The following MTF2 variants were observed in gnomAD, a reference collection of about 807,000 sequenced individuals.
MTF2 encodes the protein metal response element binding transcription factor 2.
In MTF2, 11 loss-of-function variants were observed where a neutral mutation model predicts 79.5. The observed-to-expected ratio is 0.14, with a 90% CI of 0.09 to 0.23. MTF2 has a LOEUF of 0.23. MTF2 is among the 10% of genes least tolerant of loss of function. The pLI, the probability that MTF2 is intolerant of heterozygous loss-of-function variation, is 1.00. For synonymous variants in MTF2, 208 were observed against 232.8 expected (o/e 0.89, Z 0.97); for missense variants, 486 against 711.2 (o/e 0.68, Z 3.60).
intron 4 of MTF2, 75 bp downstream of exon 4, chr1:93,114,858 C>A: frequency 1.5e-6 from 2 of 1,292,994 alleles, no homozygotes; most frequent in Non-Finnish European, 2.2e-6. Context: ...AAATACTTTA[C>A]ATTGATAATT....
Position 93,115,031 on chromosome 1 carries a change from G to C in MTF2, c.426G>C (p.Val142=), listed in dbSNP as rs139249740. ...LCHTPHIDSS[V]IDSDEKWLCR... ...ACACACCTCATATTGATTCCAGTGT[G>C]ATTGATTCAGATGAAAAATGGCTCT... Residue 142 remains valine (V), a synonymous_variant, in exon 5 of 15, where the codon GTG becomes GTC. Transcript: ENST00000370298. 14 of 1,611,364 alleles carry C rather than the reference G, an allele frequency of 8.7e-6. No homozygotes were observed. The highest frequency in any genetic ancestry group is 1.2e-5 in the Non-Finnish European group (14 of 1,177,976).
chr1:93,107,915 G>A (rs967245471), intron 1 of MTF2, among the ~76,000 whole-genome samples: 7 of 151,908 alleles, frequency 4.6e-5, no homozygotes, highest in Non-Finnish European at 1.0e-4. Flanking sequence ...TGAGTAGCTG[G>A]GACCACAGGC....
chr1:93,119,675 G>T, intron 8 of MTF2: 1 of 305,548 alleles, frequency 3.3e-6, no homozygotes, highest in Non-Finnish European at 5.9e-6. Flanking sequence ...TAGTTCTTTT[G>T]AACATTCAGA....
intron 1 of MTF2, among the ~76,000 whole-genome samples, chr1:93,100,390 C>T (rs940921123): frequency 3.3e-5 from 5 of 152,090 alleles, no homozygotes; most frequent in African/African-American, 1.2e-4. Context: ...CTGCAACCTC[C>T]GCCTCCCAGG....
intron 1 of MTF2, among the ~76,000 whole-genome samples, chr1:93,085,473 G>A (rs1237065513): frequency 4.3e-5 from 5 of 115,878 alleles, no homozygotes; most frequent in African/African-American, 8.5e-5. Flanking sequence ...CACTGCACCC[G>A]GCCTTTTTTT....
chr1:93,129,558 ATT>A (rs200494793), intron 11 of MTF2, 110 bp downstream of exon 11: 27,375 of 435,346 alleles, frequency 0.063, no homozygotes, highest in East Asian at 0.077. Context: ...AGTTACTCTG[ATT>A]TTTTTTTTTT....
chr1:93,121,219 A>G (rs2101075415), intron 9 of MTF2: 4 of 967,392 alleles, frequency 4.1e-6, no homozygotes, highest in Non-Finnish European at 4.9e-6. Context: ...GTAACTACCT[A>G]TGCTGGTTTA....
At chr1:93,117,955 T>C (rs1420867534) in intron 6 of MTF2, among the ~76,000 whole-genome samples, 1 of 152,016 alleles carries the variant, frequency 6.6e-6, no homozygotes, top group Non-Finnish European at 1.5e-5. Context: ...AACTGGGAGG[T>C]TGAGGCTGCA....
chr1:93,080,439 C>T (rs1031090422), intron 1 of MTF2, among the ~76,000 whole-genome samples: 1 of 152,116 alleles, frequency 6.6e-6, no homozygotes, highest in Non-Finnish European at 1.5e-5. Context: ...TGACTAACAG[C>T]AAGGGTTTGT....
chr1:93,108,577 T>C (rs986365759), intron 1 of MTF2, among the ~76,000 whole-genome samples: 9 of 152,018 alleles, frequency 5.9e-5, no homozygotes, highest in Non-Finnish European at 1.0e-4. Flanking sequence ...CTGTACGTGA[T>C]ATATTGTGTT....
At chr1:93,120,713 C>CT in intron 9 of MTF2, 41 bp downstream of exon 9, 1 of 1,581,410 alleles carries the variant, frequency 6.3e-7, no homozygotes, top group Non-Finnish European at 8.6e-7. Flanking sequence ...TACTTGATGT[C>CT]TTTTTTGTTT....
chr1:93,087,447 C>CT (rs532004731), intron 1 of MTF2, among the ~76,000 whole-genome samples: 2,308 of 152,150 alleles, frequency 0.015, 28 homozygotes, highest in Non-Finnish European at 0.023. Context: ...TGGCACGCAC[C>CT]TGTAATCCCA....
At chr1:93,134,493 C>T (rs1249868573) in intron 14 of MTF2, 4 of 280,592 alleles carry the variant, frequency 1.4e-5, no homozygotes, top group Non-Finnish European at 6.6e-6. Flanking sequence ...GCCTCTGCTA[C>T]ACAAGTGTTC....
At chr1:93,085,986 A>G (rs1211303823) in intron 1 of MTF2, among the ~76,000 whole-genome samples, 1 of 152,196 alleles carries the variant, frequency 6.6e-6, no homozygotes, top group African/African-American at 2.4e-5. Context: ...TATGTGCAAG[A>G]CTTTATGCTA....
At chr1:93,086,305 A>C (rs928709333) in intron 1 of MTF2, among the ~76,000 whole-genome samples, 1 of 151,986 alleles carries the variant, frequency 6.6e-6, no homozygotes, top group Non-Finnish European at 1.5e-5. Context: ...GGAGTTTGAG[A>C]CCAGCTGGGC....
intron 14 of MTF2, chr1:93,134,510 T>G (rs536485726): frequency 4.2e-6 from 1 of 237,486 alleles, no homozygotes; most frequent in South Asian, 9.6e-5. Flanking sequence ...GTTCTTTGCT[T>G]TAGGAAGATA....
At position 93,133,989 on chromosome 1, in the gene MTF2, A is replaced by G. The variant is rs543489044; in HGVS notation, c.1319+9A>G. The G allele has an allele frequency of 9.5e-6, 15 of 1,571,322 alleles. No homozygotes were observed. The East Asian group carries it at 2.2e-4, about 24-fold the overall frequency. ...TTACCTTGTTCTATAGGGTAAATAG[A>G]AAGTTATTTTCTCCCTTTCTAGGTT... is the stretch of plus-strand genomic sequence containing the variant. On this transcript the variant is annotated intron_variant, in intron 13 of 14. Coordinates refer to ENST00000370298, the MANE Select transcript of MTF2 (RefSeq NM_007358.4).
chr1:93,106,177 T>G (rs1008848499), intron 1 of MTF2, among the ~76,000 whole-genome samples: 8 of 152,038 alleles, frequency 5.3e-5, no homozygotes, highest in African/African-American at 1.9e-4. Context: ...GCATAAACAC[T>G]AGGAGATGGA....
At chr1:93,133,883 G>T (rs530756975) in intron 12 of MTF2, 45 bp from the exon 13 acceptor site, 1 of 1,532,578 alleles carries the variant, frequency 6.5e-7, no homozygotes. Context: ...ATTTTTTTCA[G>T]CTTACTTTAG....
Sources: allele counts gnomAD v4.1 joint callset (sites outside exome capture counted in the v4.1 genomes callset), GRCh38; gene constraint gnomAD v4.1.1; transcripts MANE v1.5; gene names NCBI Gene and HGNC (gene_info 2026-07-23, HGNC 2026-07-21).